PLPP7: variants seen among roughly 807,000 people sequenced by gnomAD.
The protein encoded by PLPP7 is phospholipid phosphatase 7 (inactive), also known as inactive phospholipid phosphatase 7.
In PLPP7, 11 loss-of-function variants were observed where a neutral mutation model predicts 16.9. The ratio of observed to expected loss-of-function variants is 0.65; its 90% CI spans 0.41 to 1.08. The LOEUF (loss-of-function observed/expected upper bound fraction) is 1.08, where lower values mean the gene tolerates loss of function less well. PLPP7 is among the 50% of genes least tolerant of loss of function. PLPP7 has a pLI of 0.00. For missense variants in PLPP7, 358 were observed against 397.1 expected (o/e 0.90, Z 0.84); for synonymous variants, 174 against 175.1 (o/e 0.99, Z 0.05).
At chr9:131,303,264 G>A (rs533441146) in intron 1 of PLPP7, among the ~76,000 whole-genome samples, 4 of 149,108 alleles carry the variant, frequency 2.7e-5, no homozygotes, top group Admixed American at 6.7e-5. Context: ...CCTGGGAAGC[G>A]GAGGTTGTGG....
rs756736716 is a variant in PLPP7 at position 131,308,019 on chromosome 9, C to A, written c.548C>A (p.Thr183Asn). Residue 183 changes from threonine to asparagine, a missense_variant, in exon 2 of 2, where the codon ACC becomes AAC. Transcript: ENST00000372264. ...AGCCCCAGCCTCCTGGACTACCTCA[C>A]CATGGACATCTACGCCTTCCCGGCC... ...ETSPSLLDYL[T>N]MDIYAFPAGH... The A allele has an allele frequency of 2.5e-6, 4 of 1,600,984 alleles. No individual in the cohort carries two copies. In the South Asian group the frequency reaches 3.3e-5, roughly 13 times the overall value.
intron 1 of PLPP7, among the ~76,000 whole-genome samples, chr9:131,296,057 G>A (rs1018995090): frequency 6.6e-5 from 10 of 152,228 alleles, no homozygotes; most frequent in African/African-American, 2.4e-4. Context: ...ATTTTGTGTT[G>A]ACTTGTTTGA....
Position 131,290,094 on chromosome 9 carries a change from C to T in PLPP7, c.97C>T (p.Pro33Ser). ...CCTGAACCAGCCCCCCAAGGGGGGC[C>T]CGGAGCCCCGCAGCTCGGGCAGAAA... ...LSLNQPPKGG[P>S]EPRSSGRKAS... The change falls in exon 1 of 2, where the codon CCG becomes TCG. Residue 33 changes from proline (P) to serine (S), a missense_variant. Physicochemically the swap from Pro to Ser is moderately conservative, Grantham distance 74 (BLOSUM62 -1). Transcript: ENST00000372264. This position sits in a 1 kb window ranked among gnomAD's most constrained non-coding sequence, Gnocchi z 4.2. 1 of 1,517,862 alleles carries T rather than the reference C, an allele frequency of 6.6e-7. No homozygotes were observed. The highest frequency in any genetic ancestry group is 1.4e-5 in the African/African-American group (1 of 71,454). 94.0% of individuals were successfully genotyped at this position (1,517,862 alleles called of 1,614,324 possible).
chr9:131,307,747 G>A lies in PLPP7; in HGVS notation c.452-176G>A, dbSNP rs527784317. On this transcript the variant is annotated intron_variant, in intron 1 of 1. Coordinates refer to ENST00000372264, the MANE Select transcript of PLPP7 (RefSeq NM_032728.4). Reference sequence around the variant, plus strand: ...TAGCTACAGGAAGGCAGGATGTGCCGGGCAGGGGAGACAGCAAAGGCAACA... The same window carrying A: ...TAGCTACAGGAAGGCAGGATGTGCCAGGCAGGGGAGACAGCAAAGGCAACA... Among the ~76,000 whole-genome samples, 13 of 152,238 alleles carry A rather than the reference G, an allele frequency of 8.5e-5. No homozygotes were observed. In the South Asian group the frequency reaches 1.5e-3, roughly 17 times the overall value.
chr9:131,299,712 C>T (rs1257585701), intron 1 of PLPP7, among the ~76,000 whole-genome samples: 1 of 152,236 alleles, frequency 6.6e-6, no homozygotes, highest in Non-Finnish European at 1.5e-5. Flanking sequence ...GAGTAACGCT[C>T]TGTGTCACTA....
At chr9:131,307,644 A>C (rs1564249653) in intron 1 of PLPP7, among the ~76,000 whole-genome samples, 1 of 151,578 alleles carries the variant, frequency 6.6e-6, no homozygotes. Flanking sequence ...GAAAAAATTA[A>C]ACAAGGTGAG....
At chr9:131,298,632 C>T (rs955334782) in intron 1 of PLPP7, among the ~76,000 whole-genome samples, 2 of 152,256 alleles carry the variant, frequency 1.3e-5, no homozygotes, top group Non-Finnish European at 2.9e-5. Context: ...CCTCTTCCCG[C>T]AGTGCACATA....
At chr9:131,302,189 C>T (rs1009228656) in intron 1 of PLPP7, among the ~76,000 whole-genome samples, 1 of 152,162 alleles carries the variant, frequency 6.6e-6, no homozygotes, top group Non-Finnish European at 1.5e-5. Flanking sequence ...AAAGCCCCAG[C>T]CAGTGAGACT....
chr9:131,294,103 C>A (rs1468237659), intron 1 of PLPP7, among the ~76,000 whole-genome samples: 3 of 152,154 alleles, frequency 2.0e-5, no homozygotes, highest in Admixed American at 2.0e-4. Flanking sequence ...CCCATGCCCT[C>A]CCTGCTTGCC....
At chr9:131,299,815 A>G (rs1835776022) in intron 1 of PLPP7, among the ~76,000 whole-genome samples, 2 of 152,186 alleles carry the variant, frequency 1.3e-5, no homozygotes, top group Admixed American at 6.5e-5. Flanking sequence ...AATACCCAAG[A>G]ACCGGCGGTG....
rs751883562 is a variant in PLPP7, at chr9:131,307,996, C to A, written c.525C>A (p.Ser175Arg). 5.6e-6 allele frequency: 9 copies of A among 1,600,524 alleles called. No individual in the cohort carries two copies. In the Admixed American group the frequency reaches 1.5e-4, roughly 27 times the overall value. Residue 175 changes from serine (S) to arginine (R), a missense_variant, in exon 2 of 2, where the codon AGC becomes AGA. Physicochemically the swap from Ser to Arg is moderately radical, Grantham distance 110. Transcript: ENST00000372264. ...AGCGGCGCGGCCCGTACGAGACGAG[C>A]CCCAGCCTCCTGGACTACCTCACCA... ...LIKRRGPYETSPSLLDYLTMD... is the reference protein window; with the variant it reads ...LIKRRGPYETRPSLLDYLTMD...
chr9:131,292,701 G>A (rs1835693990), intron 1 of PLPP7: 3 of 655,222 alleles, frequency 4.6e-6, no homozygotes, highest in Non-Finnish European at 5.7e-6. Flanking sequence ...CTCTAGTAAG[G>A]GGGTGAGCTC....
intron 1 of PLPP7, among the ~76,000 whole-genome samples, chr9:131,306,379 T>A (rs1452286582): frequency 6.7e-6 from 1 of 148,412 alleles, no homozygotes; most frequent in African/African-American, 2.5e-5. Context: ...CCGTCTCTAC[T>A]AAAAATACAA....
intron 1 of PLPP7, among the ~76,000 whole-genome samples, chr9:131,298,696 T>C (rs1835762906): frequency 6.6e-6 from 1 of 152,244 alleles, no homozygotes; most frequent in South Asian, 2.1e-4. Context: ...GAGGAGATGA[T>C]TCCAAATCTT....
Position 131,295,717 on chromosome 9 carries a change from G to C in PLPP7, c.451+5269G>C, listed in dbSNP as rs138678815. Reference sequence around the variant, plus strand: ...TTCTACACTCTGTCTCTGTGGATTTGACTGTTCTAGGGACCTCAAGTAAGT... The same window carrying C: ...TTCTACACTCTGTCTCTGTGGATTTCACTGTTCTAGGGACCTCAAGTAAGT... On this transcript the variant is annotated intron_variant, in intron 1 of 1. Coordinates refer to ENST00000372264, the MANE Select transcript of PLPP7 (RefSeq NM_032728.4). The surrounding 1 kb of genome is among the most constrained non-coding windows in gnomAD (Gnocchi z 4.0). Among the ~76,000 whole-genome samples, 537 of 152,086 alleles carry C rather than the reference G, an allele frequency of 3.5e-3. 6 individuals are homozygous for C. The highest frequency in any genetic ancestry group is 0.012 in the African/African-American group (510 of 41,492).
At chr9:131,298,571 G>A (rs1835761384) in intron 1 of PLPP7, among the ~76,000 whole-genome samples, 3 of 152,184 alleles carry the variant, frequency 2.0e-5, no homozygotes, top group Admixed American at 1.3e-4. Context: ...CGTCCTCAGG[G>A]GGAAAGCAGC....
chr9:131,297,734 C>A (rs558501022), intron 1 of PLPP7, among the ~76,000 whole-genome samples: 2 of 152,252 alleles, frequency 1.3e-5, no homozygotes, highest in East Asian at 3.9e-4. Context: ...GTGCTTGTGG[C>A]AAGAAAGATT....
chr9:131,305,962 G>T (rs1835847406), intron 1 of PLPP7, among the ~76,000 whole-genome samples: 1 of 152,176 alleles, frequency 6.6e-6, no homozygotes, highest in East Asian at 1.9e-4. Flanking sequence ...AAAACACCAG[G>T]TGCGGTGGCT....
At chr9:131,292,411 A>G (rs1835688618) in intron 1 of PLPP7, among the ~76,000 whole-genome samples, 1 of 152,208 alleles carries the variant, frequency 6.6e-6, no homozygotes, top group East Asian at 1.9e-4. Flanking sequence ...TGCATAAACC[A>G]TATCATTACT....
Sources: gnomAD v4.1 joint callset for allele counts (sites outside exome capture counted in the v4.1 genomes callset) on GRCh38, gnomAD v4.1.1 for gene constraint, Gnocchi (gnomAD v3.1) non-coding constraint, MANE v1.5 for transcripts, NCBI Gene and HGNC (gene_info 2026-07-23, HGNC 2026-07-21) for gene names.